Variants in XPNPEP1 observed in about 807,000 individuals in gnomAD.
XPNPEP1 encodes xaa-Pro aminopeptidase 1.
XPNPEP1 carries 39 observed loss-of-function variants against 92.4 expected under a neutral mutation model. That is an observed-to-expected ratio of 0.42 (90% CI 0.33 to 0.55). The LOEUF is 0.55. Ranked by LOEUF, XPNPEP1 falls within the 20% of genes least tolerant of loss-of-function variation. The pLI, the probability that XPNPEP1 is intolerant of heterozygous loss-of-function variation, is 0.08. For missense variants in XPNPEP1, 654 were observed against 856.1 expected, an observed-to-expected ratio of 0.76 and a Z score of 2.95; for synonymous variants, 307 against 299.4, an observed-to-expected ratio of 1.03 and a Z score of -0.26.
In XPNPEP1 at chr10:109,880,924, C is replaced by A. The variant is rs527414795; in HGVS notation, c.1049G>T (p.Arg350Leu). The A allele has an allele frequency of 6.2e-7, 1 of 1,613,766 alleles. No homozygotes were observed. The highest frequency in any genetic ancestry group is 8.5e-7 in the Non-Finnish European group (1 of 1,179,856). The change falls in exon 11 of 21, where the codon CGC becomes CTC. Residue 350 changes from arginine (R) to leucine (L), a missense_variant. Physicochemically the swap from Arg to Leu is moderately radical, Grantham distance 102. Transcript: ENST00000502935. ...GATGGGGGTGTAAGGCATACAGCAG[C>A]GGTGGTCCTAGAGGCAAAGGGCAGT... ...AVSETIPKDH[R>L]CCMPYTPICI...
chr10:109,883,880 A>G, intron 9 of XPNPEP1, 187 bp downstream of exon 9: 1 of 553,578 alleles, frequency 1.8e-6, no homozygotes, highest in Non-Finnish European at 3.1e-6. Context: ...GGGGGCTCAA[A>G]GAGAGGCAGG....
chr10:109,869,836 C>T (rs1847350687), intron 19 of XPNPEP1, 117 bp downstream of exon 19: 1 of 1,065,678 alleles, frequency 9.4e-7, no homozygotes, highest in African/African-American at 1.6e-5. Context: ...TCTTCCCACA[C>T]TAAGAAACAG....
At chr10:109,923,092 G>A (rs1332254432) in intron 1 of XPNPEP1, 4 of 918,134 alleles carry the variant, frequency 4.4e-6, no homozygotes, top group Admixed American at 6.2e-5. Context: ...CCTTCCCGCG[G>A]GCCAGGAACT....
Position 109,878,055 on chromosome 10 carries a change from G to C in XPNPEP1, c.1186C>G (p.Pro396Ala), listed in dbSNP as rs1213120888. ...GAGATCTCTGTCACACCACCTTTGG[G>C]AACCTATGAGAAAATTGCTTATAAA... ...ELFNWLEKEV[P>A]KGGVTEISAA... Residue 396 changes from proline to alanine, a missense_variant, in exon 13 of 21, where the codon CCC (proline) becomes GCC (alanine). Pro to Ala is a conservative substitution (Grantham distance 27, BLOSUM62 -1). Transcript: ENST00000502935. 6.2e-7 allele frequency: 1 copy of C among 1,614,182 alleles called. No individual in the cohort carries two copies. The highest frequency in any genetic ancestry group is 8.5e-7 in the Non-Finnish European group (1 of 1,180,030).
intron 3 of XPNPEP1, among the ~76,000 whole-genome samples, chr10:109,907,401 G>A (rs530334026): frequency 6.6e-6 from 1 of 152,372 alleles, no homozygotes; most frequent in South Asian, 2.1e-4. Flanking sequence ...TAGGAACACA[G>A]TGTGGCAGAG....
At chr10:109,898,061 T>A (rs917094464) in intron 3 of XPNPEP1, among the ~76,000 whole-genome samples, 7 of 152,210 alleles carry the variant, frequency 4.6e-5, no homozygotes, top group Non-Finnish European at 1.0e-4. Context: ...TTATAAATTC[T>A]GAGGGAACAA....
intron 10 of XPNPEP1, 131 bp downstream of exon 10, chr10:109,882,301 A>T: frequency 9.8e-7 from 1 of 1,023,872 alleles, no homozygotes. Flanking sequence ...CTCCAGCTTT[A>T]AGGCCTCATC....
chr10:109,918,960 G>A lies in XPNPEP1; in HGVS notation c.33-3861C>T, dbSNP rs77646607. ...AAGAACGAAAAGGAAGGAAAGGAAGGAAAGAAAAGAAAGAAAGAAAATAAA... is the reference window on the plus strand; with the variant it reads ...AAGAACGAAAAGGAAGGAAAGGAAGAAAAGAAAAGAAAGAAAGAAAATAAA... On this transcript the variant is annotated intron_variant, in intron 1 of 20. Coordinates refer to ENST00000502935, the MANE Select transcript of XPNPEP1 (RefSeq NM_020383.4). Among the ~76,000 whole-genome samples the A allele has an allele frequency of 3.7e-3, 560 of 150,048 alleles. 6 individuals are homozygous for A. Among genetic ancestry groups the A allele is most frequent in the African/African-American group, 0.013 (540 of 40,794 alleles).
intron 15 of XPNPEP1, among the ~76,000 whole-genome samples, chr10:109,873,947 A>G (rs1847628414): frequency 6.6e-6 from 1 of 152,224 alleles, no homozygotes; most frequent in Non-Finnish European, 1.5e-5. Flanking sequence ...CCATAGATAC[A>G]GAAAGGAGAG....
chr10:109,866,324 C>T (rs1026287296), intron 20 of XPNPEP1, among the ~76,000 whole-genome samples: 8 of 152,182 alleles, frequency 5.3e-5, no homozygotes, highest in Admixed American at 4.6e-4. Flanking sequence ...TACCAACTGG[C>T]TGTGACCCAG....
At chr10:109,874,562 G>A (rs1217477731) in intron 15 of XPNPEP1, among the ~76,000 whole-genome samples, 2 of 152,228 alleles carry the variant, frequency 1.3e-5, no homozygotes, top group African/African-American at 4.8e-5. Flanking sequence ...CCCAAGGCCA[G>A]GCATGGTTGC....
chr10:109,890,920 C>T (rs1298551617), intron 5 of XPNPEP1, among the ~76,000 whole-genome samples: 2 of 152,130 alleles, frequency 1.3e-5, no homozygotes, highest in East Asian at 1.9e-4. Flanking sequence ...TTTCCTACAA[C>T]AAACAAGAAG....
At chr10:109,916,654 G>A (rs959289244) in intron 1 of XPNPEP1, among the ~76,000 whole-genome samples, 6 of 152,100 alleles carry the variant, frequency 3.9e-5, no homozygotes, top group African/African-American at 1.4e-4. Flanking sequence ...TTCTTAACGA[G>A]AGTAAACATA....
At position 109,882,326 on chromosome 10, in the gene XPNPEP1, T is replaced by C. The variant is rs1589568510; in HGVS notation, c.1041+106A>G. 5.2e-6 allele frequency: 7 copies of C among 1,354,008 alleles called. No individual in the cohort carries two copies. In the African/African-American group the frequency reaches 5.7e-5, roughly 11 times the overall value. The allele number at this position is 1,354,008 out of a possible 1,614,324, so 83.9% of individuals were successfully genotyped here. On this transcript the variant is annotated intron_variant, in intron 10 of 20. Transcript: ENST00000502935. ...AAGGCCTCATCCATGGAGACCACAG[T>C]TCTGATCCAACAGGCAGCCTCAGAA...
At chr10:109,901,473 T>C (rs1008195422) in intron 3 of XPNPEP1, among the ~76,000 whole-genome samples, 3 of 152,202 alleles carry the variant, frequency 2.0e-5, no homozygotes, top group East Asian at 1.9e-4. Flanking sequence ...ATCCAAATTC[T>C]ACCTGTTCAC....
chr10:109,882,551 C>T lies in XPNPEP1; in HGVS notation c.922G>A (p.Val308Met). ...LGLEAEYRIQVHPYKSILSEL... is the reference protein window; with the variant it reads ...LGLEAEYRIQMHPYKSILSEL... ...CTCAGGATGGACTTGTAGGGATGCA[C>T]CTGGATCCTGTATTCGGCTTCCAGA... Residue 308 changes from valine to methionine, a missense_variant, in exon 10 of 21, where the codon GTG (valine) becomes ATG (methionine). Val to Met is a conservative substitution (Grantham distance 21). Transcript: ENST00000502935. 1 of 1,614,204 alleles carries T rather than the reference C, an allele frequency of 6.2e-7. No homozygotes were observed. Among genetic ancestry groups the T allele is most frequent in the Non-Finnish European group, 8.5e-7 (1 of 1,180,028 alleles).
In XPNPEP1 at chr10:109,880,949, T is replaced by C. The variant is rs1349271847; in HGVS notation, c.1042-18A>G. 2 of 1,610,160 alleles carry C rather than the reference T, an allele frequency of 1.2e-6. No individual in the cohort carries two copies. Among genetic ancestry groups the C allele is most frequent in the African/African-American group, 1.3e-5 (1 of 74,810 alleles). ...CGGTGGTCCTAGAGGCAAAGGGCAG[T>C]AGGGTGGGAAATCAAACCGGCTCCA... On this transcript the variant is annotated intron_variant, in intron 10 of 20. Transcript: ENST00000502935.
chr10:109,918,108 T>C (rs962028379), intron 1 of XPNPEP1, among the ~76,000 whole-genome samples: 4 of 150,370 alleles, frequency 2.7e-5, no homozygotes, highest in African/African-American at 9.8e-5. Context: ...AGCAAGACCC[T>C]GCCTCAAAAA....
rs552163785 is a variant in XPNPEP1, at chr10:109,867,737, G to A, written c.1872+877C>T. On this transcript the variant is annotated intron_variant, in intron 20 of 20. Coordinates refer to ENST00000502935, the MANE Select transcript of XPNPEP1 (RefSeq NM_020383.4). The surrounding 1 kb of genome is among the most constrained non-coding windows in gnomAD (Gnocchi z 4.5). Reference sequence around the variant, plus strand: ...TCAGATAACAAAATATTCTTATTCCGAGAGTAACCCACCGTGCTTACCCTG... The same window carrying A: ...TCAGATAACAAAATATTCTTATTCCAAGAGTAACCCACCGTGCTTACCCTG... Among the ~76,000 whole-genome samples, 6 of 152,302 alleles carry A rather than the reference G, an allele frequency of 3.9e-5. No individual in the cohort carries two copies. Among genetic ancestry groups the A allele is most frequent in the African/African-American group, 9.6e-5 (4 of 41,570 alleles).
Sources: gnomAD v4.1 joint callset for allele counts (sites outside exome capture counted in the v4.1 genomes callset) on GRCh38, gnomAD v4.1.1 for gene constraint, Gnocchi (gnomAD v3.1) non-coding constraint, MANE v1.5 for transcripts, NCBI Gene and HGNC (gene_info 2026-07-23, HGNC 2026-07-21) for gene names.